Variants in BICRA observed in about 807,000 individuals in gnomAD.
BICRA encodes the protein BRD4 interacting chromatin remodeling complex associated protein.
BICRA carries 31 observed loss-of-function variants against 96.9 expected under a neutral mutation model. The observed-to-expected ratio is 0.32, with a 90% CI of 0.24 to 0.43. BICRA has a LOEUF of 0.43. BICRA is among the 20% of genes least tolerant of loss of function. The probability of loss-of-function intolerance (pLI) is 1.00; values close to 1 mark genes in which losing one functional copy is unlikely to be tolerated. For missense variants in BICRA, 2,283 were observed against 2,190.3 expected (o/e 1.04, Z -0.84); for synonymous variants, 1,350 against 1,071.8 (o/e 1.26, Z -5.07).
At chr19:47,660,712 T>G (rs949193998) in intron 1 of BICRA, among the ~76,000 whole-genome samples, 1 of 151,986 alleles carries the variant, frequency 6.6e-6, no homozygotes, top group African/African-American at 2.4e-5. Context: ...ACCCCTGCTG[T>G]GGGGGGTGGA....
chr19:47,694,177 G>C lies in BICRA; in HGVS notation c.2346G>C (p.Gln782His). 7.2e-7 allele frequency: 1 copy of C among 1,386,966 alleles called. No homozygotes were observed. The highest frequency in any genetic ancestry group is 1.3e-5 in the South Asian group (1 of 79,380). 85.9% of individuals were successfully genotyped at this position (1,386,966 alleles called of 1,614,324 possible). A position where few individuals can be genotyped will look rare whatever the true frequency, so the allele number is the denominator to read the frequency against. ...GPSSSPSLPH[Q>H]APLGDSPHLP... The stretch of plus-strand genomic sequence containing the variant: ...CTTCGTCCCCGTCACTACCTCACCA[G>C]GCCCCTCTGGGGGACAGCCCCCACC... The change falls in exon 8 of 15, where the codon CAG becomes CAC. Residue 782 changes from glutamine (Q) to histidine (H), a missense_variant. By Grantham distance (24) the Gln-to-His change is conservative. Transcript: ENST00000594866.
At position 47,680,491 on chromosome 19, in the gene BICRA, G is replaced by C; in HGVS notation, c.1321G>C (p.Gly441Arg). Residue 441 changes from glycine to arginine, a missense_variant, in exon 6 of 15, where the codon GGG becomes CGG. Transcript: ENST00000594866. ...CGGAGCGGCCCCGCCGCAGCCCCCC[G>C]GGGCCCTGAGCAAACCCATGAGCGT... ...TTGAAPPQPP[G>R]ALSKPMSVHL... 6.5e-7 allele frequency: 1 copy of C among 1,542,288 alleles called. No individual in the cohort carries two copies.
intron 1 of BICRA, among the ~76,000 whole-genome samples, chr19:47,609,813 T>G (rs995305826): frequency 6.6e-6 from 1 of 151,628 alleles, no homozygotes; most frequent in Non-Finnish European, 1.5e-5. Context: ...TGGGGAGGGA[T>G]GGATGGGGAA....
rs369861376 is a variant in BICRA at position 47,637,799 on chromosome 19, G to T, written c.-108+28631G>T. On this transcript the variant is annotated intron_variant, in intron 1 of 14. Transcript: ENST00000594866. ...ACATAAACATGATCGTACACTAGCC[G>T]ATCTTTTTGTGTCTGGTGTCTTTCT... is the stretch of plus-strand genomic sequence containing the variant. 6.1e-4 allele frequency among the ~76,000 whole-genome samples: 93 copies of T among 152,188 alleles called. 1 individual carries two copies. The highest frequency in any genetic ancestry group is 2.2e-3 in the African/African-American group (92 of 41,528).
chr19:47,615,680 T>C (rs1971974530), intron 1 of BICRA: 1 of 152,174 alleles, frequency 6.6e-6, no homozygotes, highest in African/African-American at 2.4e-5. Flanking sequence ...AGTGTCGGTG[T>C]CACCTGTCAT....
intron 1 of BICRA, among the ~76,000 whole-genome samples, chr19:47,642,426 C>T (rs528858693): frequency 8.5e-5 from 13 of 152,180 alleles, no homozygotes; most frequent in African/African-American, 2.4e-4. Flanking sequence ...CCCACCTGGG[C>T]GCAGTGGCTC....
At position 47,698,607 on chromosome 19, in the gene BICRA, T is replaced by C; in HGVS notation, c.3249-27T>C. ...CCCGTCCCCCCCACCCTCCGCCGTG[T>C]GTGGTCTCTCCCCTTTCCACCCGCA... On this transcript the variant is annotated intron_variant, in intron 11 of 14. Coordinates refer to ENST00000594866, the MANE Select transcript of BICRA (RefSeq NM_001394372.1). This position sits in a 1 kb window ranked among gnomAD's most constrained non-coding sequence, Gnocchi z 4.8. 1.2e-6 allele frequency: 1 copy of C among 811,890 alleles called. No individual in the cohort carries two copies. Among genetic ancestry groups the C allele is most frequent in the Non-Finnish European group, 2.0e-6 (1 of 501,840 alleles). The allele number at this position is 811,890 out of a possible 1,614,324, so 50.3% of individuals were successfully genotyped here.
Position 47,679,836 on chromosome 19 carries a change from T to G in BICRA, c.666T>G (p.Pro222=). The G allele has an allele frequency of 6.7e-7, 1 of 1,490,276 alleles. No homozygotes were observed. Among genetic ancestry groups the G allele is most frequent in the Admixed American group, 2.4e-5 (1 of 42,178 alleles). The allele number at this position is 1,490,276 out of a possible 1,614,324, so 92.3% of individuals were successfully genotyped here. ...TCCAAGGCCTGCCCAATGGCAGCCC[T>G]GGGGGTGCCACGGCGGCCACACTGG... ...PGLQGLPNGS[P]GGATAATLGL... Residue 222 remains proline, a synonymous_variant, in exon 6 of 15, where the codon CCT becomes CCG. Coordinates refer to ENST00000594866, the MANE Select transcript of BICRA (RefSeq NM_001394372.1).
At chr19:47,677,011 G>A (rs1318217937) in intron 5 of BICRA, among the ~76,000 whole-genome samples, 3 of 152,120 alleles carry the variant, frequency 2.0e-5, no homozygotes, top group Non-Finnish European at 4.4e-5. Flanking sequence ...TCAGTCGGTT[G>A]GAGGCTGAGC....
At chr19:47,678,720 G>A (rs538314332) in intron 5 of BICRA, among the ~76,000 whole-genome samples, 1 of 147,896 alleles carries the variant, frequency 6.8e-6, no homozygotes, top group East Asian at 2.1e-4. Context: ...GTGAGTCACT[G>A]TGGCCTTGAA....
At chr19:47,630,708 G>C (rs779534576) in intron 1 of BICRA, among the ~76,000 whole-genome samples, 4 of 152,138 alleles carry the variant, frequency 2.6e-5, no homozygotes, top group African/African-American at 9.7e-5. Flanking sequence ...TGTGAACGAC[G>C]TTGCTGTGAA....
At chr19:47,676,041 G>C (rs1799018698) in intron 5 of BICRA, 125 bp downstream of exon 5, 2 of 615,144 alleles carry the variant, frequency 3.3e-6, no homozygotes, top group Non-Finnish European at 5.7e-6. Flanking sequence ...GAGGGCGGGG[G>C]TGGGCCACCC....
In BICRA at chr19:47,694,330, C is replaced by T; in HGVS notation, c.2499C>T (p.Gly833=). 1 of 980,706 alleles carries T rather than the reference C, an allele frequency of 1.0e-6. No homozygotes were observed. Among genetic ancestry groups the T allele is most frequent in the Non-Finnish European group, 1.5e-6 (1 of 683,480 alleles). 60.8% of individuals were successfully genotyped at this position (980,706 alleles called of 1,614,324 possible). A position where few individuals can be genotyped will look rare whatever the true frequency, so the allele number is the denominator to read the frequency against. The stretch of plus-strand genomic sequence containing the variant: ...CCCAGGCCCCCCCAACTCTGCCTGG[C>T]ATCTTTGTCATCCAAAACCAGCTAG... ...PPPQAPPTLP[G]IFVIQNQLGV... The change falls in exon 8 of 15, where the codon GGC becomes GGT. Residue 833 remains glycine, a synonymous_variant. Coordinates refer to ENST00000594866, the MANE Select transcript of BICRA (RefSeq NM_001394372.1).
chr19:47,644,701 A>G (rs1318530948), intron 1 of BICRA, among the ~76,000 whole-genome samples: 4 of 151,828 alleles, frequency 2.6e-5, no homozygotes, highest in East Asian at 3.9e-4. Flanking sequence ...AGGTTTTGCT[A>G]TGTTGGCCAG....
At chr19:47,650,279 C>T (rs1437586211) in intron 1 of BICRA, among the ~76,000 whole-genome samples, 1 of 152,120 alleles carries the variant, frequency 6.6e-6, no homozygotes, top group African/African-American at 2.4e-5. Context: ...ATTACAGGCA[C>T]CTGCCACCAC....
At chr19:47,697,500 C>CGA (rs1973366304) in intron 11 of BICRA, among the ~76,000 whole-genome samples, 1 of 151,732 alleles carries the variant, frequency 6.6e-6, no homozygotes, top group South Asian at 2.1e-4. Context: ...TTTTTGGAGA[C>CGA]GAAGTCTCAT....
At chr19:47,682,232 C>G (rs2032904) in intron 7 of BICRA, 80 bp downstream of exon 7, 184,387 of 631,912 alleles carry the variant, frequency 0.29, 28,209 homozygotes, top group African/African-American at 0.45. Flanking sequence ...TCCTCGCTCT[C>G]CGCCCTGCCT....
intron 7 of BICRA, among the ~76,000 whole-genome samples, chr19:47,684,586 C>G (rs956485062): frequency 6.6e-6 from 1 of 152,184 alleles, no homozygotes; most frequent in African/African-American, 2.4e-5. Flanking sequence ...TCCCAGAGTG[C>G]TGGGATGACA....
chr19:47,622,439 A>G, intron 1 of BICRA, among the ~76,000 whole-genome samples: 1 of 142,632 alleles, frequency 7.0e-6, no homozygotes, highest in East Asian at 2.5e-4. Context: ...AATATGTAGG[A>G]GTGGGCCGGG....
Sources: allele counts gnomAD v4.1 joint callset (sites outside exome capture counted in the v4.1 genomes callset), GRCh38; gene constraint gnomAD v4.1.1; non-coding constraint Gnocchi (gnomAD v3.1); transcripts MANE v1.5; gene names NCBI Gene and HGNC (gene_info 2026-07-23, HGNC 2026-07-21).